The following TPRA1 variants were observed in gnomAD, a reference collection of about 807,000 sequenced individuals.
The protein encoded by TPRA1 is transmembrane protein adipocyte associated 1.
TPRA1 carries 28 observed loss-of-function variants against 40.1 expected under a neutral mutation model. The ratio of observed to expected loss-of-function variants is 0.70; its 90% CI spans 0.52 to 0.96. TPRA1 has a LOEUF of 0.96. TPRA1 is among the 40% of genes least tolerant of loss of function. TPRA1 has a pLI of 0.00. For missense variants in TPRA1, 441 were observed against 482.6 expected, an observed-to-expected ratio of 0.91 and a Z score of 0.81; for synonymous variants, 219 against 209.7, an observed-to-expected ratio of 1.04 and a Z score of -0.38.
chr3:127,576,469 C>T lies in TPRA1; in HGVS notation c.498+148G>A, dbSNP rs2073630139. On this transcript the variant is annotated intron_variant, in intron 6 of 10. Coordinates refer to ENST00000355552, the MANE Select transcript of TPRA1 (RefSeq NM_001136053.4). This position sits in a 1 kb window ranked among gnomAD's most constrained non-coding sequence, Gnocchi z 4.6. ...CTCCAGGGGACCCCAGAATGTGCCT[C>T]GGTAACAAGCACCCCATGTGATTTC... The T allele has an allele frequency of 7.5e-6, 6 of 795,362 alleles. No individual in the cohort carries two copies. Among genetic ancestry groups the T allele is most frequent in the South Asian group, 1.9e-5 (1 of 53,742 alleles). 49.3% of individuals were successfully genotyped at this position (795,362 alleles called of 1,614,324 possible). A position where few individuals can be genotyped will look rare whatever the true frequency, so the allele number is the denominator to read the frequency against.
chr3:127,574,252 G>C (rs1326933671), intron 10 of TPRA1, among the ~76,000 whole-genome samples: 1 of 152,234 alleles, frequency 6.6e-6, no homozygotes. Context: ...AAAGGAGCCT[G>C]AGGCTCAGGG....
chr3:127,573,393 T>C lies in TPRA1; in HGVS notation c.*128A>G, dbSNP rs1208804065. 2 of 1,281,676 alleles carry C rather than the reference T, an allele frequency of 1.6e-6. No homozygotes were observed. Among genetic ancestry groups the C allele is most frequent in the South Asian group, 1.6e-5 (1 of 63,582 alleles). 79.4% of individuals were successfully genotyped at this position (1,281,676 alleles called of 1,614,324 possible). A position where few individuals can be genotyped will look rare whatever the true frequency, so the allele number is the denominator to read the frequency against. ...CAGGGAGGTGGGGCCTCCAGACTCA[T>C]GGTGGGAACAGGGCCACACAGGGCT... On this transcript the variant is annotated 3_prime_UTR_variant, in exon 11 of 11. Coordinates refer to ENST00000355552, the MANE Select transcript of TPRA1 (RefSeq NM_001136053.4).
At position 127,596,582 on chromosome 3, in the gene TPRA1, G is replaced by A. The variant is rs562783475; in HGVS notation, c.-390-892C>T. ...CTCTGGATTATACAACCACTCCCAA[G>A]GCAATCTACAGCTTCAGTCCAAACA... On this transcript the variant is annotated intron_variant, in intron 1 of 3. Coordinates refer to the TPRA1 transcript ENST00000462228. Among the ~76,000 whole-genome samples, 7 of 152,294 alleles carry A rather than the reference G, an allele frequency of 4.6e-5. No homozygotes were observed. The South Asian group carries it at 8.3e-4, about 18-fold the overall frequency.
In TPRA1 at chr3:127,575,763, C is replaced by A; in HGVS notation, c.656G>T (p.Arg219Leu). Residue 219 changes from arginine (R) to leucine (L), a missense_variant, in exon 8 of 11, where the codon CGC becomes CTC. Coordinates refer to ENST00000355552, the MANE Select transcript of TPRA1 (RefSeq NM_001136053.4). ...VILPKTPLKE[R>L]ISLPSRRSFY... is the part of the protein sequence containing the mutation. ...CAGCTGCTCACAAGGCAGGGAGATG[C>A]GCTCCTTCAGCGGGGTCTTGGGAAG... The A allele has an allele frequency of 3.1e-6, 5 of 1,613,678 alleles. No homozygotes were observed. The highest frequency in any genetic ancestry group is 4.2e-6 in the Non-Finnish European group (5 of 1,179,950).
chr3:127,577,166 CTT>C lies in TPRA1; in HGVS notation c.259-92_259-91del, dbSNP rs1235281973. 6.7e-6 allele frequency: 9 copies of C among 1,349,582 alleles called. No homozygotes were observed. In the Admixed American group the frequency reaches 1.6e-4, roughly 24 times the overall value. 83.6% of individuals were successfully genotyped at this position (1,349,582 alleles called of 1,614,324 possible). ...AGCCCACCCCCATATCTACAGGAGC[CTT>C]TGATTCCTGAGGTCGGAAAGGAGGA... On this transcript the variant is annotated intron_variant, in intron 3 of 10. Transcript: ENST00000355552.
In TPRA1 at chr3:127,573,365, C is replaced by A; in HGVS notation, c.*156G>T. The A allele has an allele frequency of 4.2e-6, 4 of 962,086 alleles. No individual in the cohort carries two copies. Among genetic ancestry groups the A allele is most frequent in the Non-Finnish European group, 6.0e-6 (4 of 672,214 alleles). The allele number at this position is 962,086 out of a possible 1,614,324, so 59.6% of individuals were successfully genotyped here. ...CAGAGATGGCAAAGGGGATTGGGAG[C>A]CCCAGGGAGGTGGGGCCTCCAGACT... On this transcript the variant is annotated 3_prime_UTR_variant, in exon 11 of 11. Coordinates refer to ENST00000355552, the MANE Select transcript of TPRA1 (RefSeq NM_001136053.4).
chr3:127,590,267 C>T (rs2074129563), intron 1 of TPRA1, 143 bp downstream of exon 1: 1 of 152,264 alleles, frequency 6.6e-6, no homozygotes, highest in Admixed American at 6.5e-5. Context: ...CCAAACGCCG[C>T]CTTGGCCGTC....
chr3:127,584,516 A>AAACAG (rs2073941813), intron 1 of TPRA1, among the ~76,000 whole-genome samples: 1 of 151,496 alleles, frequency 6.6e-6, no homozygotes, highest in Non-Finnish European at 1.5e-5. Flanking sequence ...TAAGTGAAGA[A>AAACAG]AACAGAGAGG....
chr3:127,587,255 G>A (rs913173298), intron 1 of TPRA1: 1 of 152,184 alleles, frequency 6.6e-6, no homozygotes, highest in Non-Finnish European at 1.5e-5. Flanking sequence ...CTCACGCTCA[G>A]GTACCCGCCT....
intron 1 of TPRA1, among the ~76,000 whole-genome samples, chr3:127,588,813 C>T (rs1259649177): frequency 6.6e-6 from 1 of 152,218 alleles, no homozygotes; most frequent in African/African-American, 2.4e-5. Context: ...ACAATGGCAT[C>T]GCCTTCTAAG....
rs995542020 is a variant in TPRA1, at chr3:127,573,339, G to A, written c.*182C>T. The A allele has an allele frequency of 2.8e-6, 2 of 719,660 alleles. No individual in the cohort carries two copies. The highest frequency in any genetic ancestry group is 4.4e-6 in the Non-Finnish European group (2 of 454,194). 44.6% of individuals were successfully genotyped at this position (719,660 alleles called of 1,614,324 possible). ...AAGGGGAGGAGGGTCCCCAGTGAGA[G>A]CAGAGATGGCAAAGGGGATTGGGAG... On this transcript the variant is annotated 3_prime_UTR_variant, in exon 11 of 11. Coordinates refer to ENST00000355552, the MANE Select transcript of TPRA1 (RefSeq NM_001136053.4).
At chr3:127,581,260 G>A (rs2073821586) in intron 1 of TPRA1, among the ~76,000 whole-genome samples, 1 of 152,250 alleles carries the variant, frequency 6.6e-6, no homozygotes, top group South Asian at 2.1e-4. Flanking sequence ...AAAGGCTGTG[G>A]ATGACAGCCC....
chr3:127,581,678 C>T (rs190633740), intron 1 of TPRA1, among the ~76,000 whole-genome samples: 8 of 151,352 alleles, frequency 5.3e-5, no homozygotes, highest in East Asian at 1.9e-4. Flanking sequence ...TTTGGGAGGC[C>T]GAGGCGGGCA....
intron 1 of TPRA1, among the ~76,000 whole-genome samples, chr3:127,583,606 T>G (rs2073901611): frequency 6.6e-6 from 1 of 151,490 alleles, no homozygotes; most frequent in Non-Finnish European, 1.5e-5. Context: ...TAGTAGATCC[T>G]AAGAAAGAAG....
At chr3:127,591,556 C>T (rs1413545551), upstream of TPRA1, among the ~76,000 whole-genome samples, 4 of 152,168 alleles carry the variant, frequency 2.6e-5, no homozygotes, top group Non-Finnish European at 2.9e-5. Flanking sequence ...TGTCCCTCGG[C>T]TGTTCCAAGC....
upstream of TPRA1, among the ~76,000 whole-genome samples, chr3:127,592,150 C>T (rs2074183223): frequency 6.6e-6 from 1 of 152,140 alleles, no homozygotes; most frequent in South Asian, 2.1e-4. Flanking sequence ...CAAGTTCCTC[C>T]CAGAAAGTTA....
At chr3:127,573,963 C>A (rs2073474582) in intron 10 of TPRA1, among the ~76,000 whole-genome samples, 175 bp from the exon 11 acceptor site, 1 of 152,174 alleles carries the variant, frequency 6.6e-6, no homozygotes, top group Non-Finnish European at 1.5e-5. Context: ...TGTTTTGGAA[C>A]CCAGCCCTCC....
At chr3:127,586,750 G>A (rs898788883) in intron 1 of TPRA1, among the ~76,000 whole-genome samples, 4 of 152,180 alleles carry the variant, frequency 2.6e-5, no homozygotes, top group East Asian at 1.9e-4. Flanking sequence ...GGAATGTCAC[G>A]CAGCCCCAAG....
intron 1 of TPRA1, among the ~76,000 whole-genome samples, chr3:127,582,105 CA>C (rs1378018137): frequency 6.6e-6 from 1 of 152,210 alleles, no homozygotes; most frequent in Admixed American, 6.5e-5. Flanking sequence ...CAGCCCAAGA[CA>C]GGGGTGGGGG....
Sources: allele counts gnomAD v4.1 joint callset (sites outside exome capture counted in the v4.1 genomes callset), GRCh38; gene constraint gnomAD v4.1.1; non-coding constraint Gnocchi (gnomAD v3.1); transcripts MANE v1.5; gene names NCBI Gene and HGNC (gene_info 2026-07-23, HGNC 2026-07-21).